The following PKP2 variants were observed in gnomAD, a reference collection of about 807,000 sequenced individuals.
PKP2 encodes the protein plakophilin 2.
PKP2 carries 73 observed loss-of-function variants against 83.4 expected under a neutral mutation model. That is an observed-to-expected ratio of 0.88 (90% CI 0.72 to 1.06). PKP2 has a LOEUF of 1.06. Among genes scored for constraint, PKP2 ranks in the 50% least tolerant of loss-of-function variants. The pLI is 0.00. For synonymous variants in PKP2, 409 were observed against 430.4 expected, an observed-to-expected ratio of 0.95 and a Z score of 0.62; for missense variants, 966 against 1,065.4, an observed-to-expected ratio of 0.91 and a Z score of 1.30.
At chr12:32,833,803 A>C (rs762198003) in intron 6 of PKP2, among the ~76,000 whole-genome samples, 6 of 152,180 alleles carry the variant, frequency 3.9e-5, no homozygotes, top group Non-Finnish European at 8.8e-5. Flanking sequence ...GAGAAAAAAG[A>C]ATATGTTTTA....
intron 5 of PKP2, among the ~76,000 whole-genome samples, chr12:32,845,344 G>T (rs549172879): frequency 5.9e-5 from 9 of 152,156 alleles, no homozygotes; most frequent in Non-Finnish European, 1.3e-4. Flanking sequence ...GAGGTCAGGA[G>T]ATTGAGACCA....
chr12:32,809,672 C>T (rs1056634463), intron 9 of PKP2, among the ~76,000 whole-genome samples: 56 of 152,284 alleles, frequency 3.7e-4, no homozygotes, highest in African/African-American at 1.2e-3. Flanking sequence ...GCTGAGACTC[C>T]GCACAGCTCT....
At chr12:32,793,792 T>A (rs1335783206) in intron 11 of PKP2, among the ~76,000 whole-genome samples, 1 of 151,956 alleles carries the variant, frequency 6.6e-6, no homozygotes, top group Admixed American at 6.6e-5. Flanking sequence ...AGATGGGGTT[T>A]CACTGTGTTA....
intron 10 of PKP2, among the ~76,000 whole-genome samples, chr12:32,801,202 G>A (rs2137722259): frequency 6.6e-6 from 1 of 152,296 alleles, no homozygotes; most frequent in Admixed American, 6.5e-5. Context: ...ACATTTAGGG[G>A]ACTGCAGAAC....
intron 5 of PKP2, among the ~76,000 whole-genome samples, chr12:32,845,900 C>T (rs1363824031): frequency 6.6e-6 from 1 of 151,954 alleles, no homozygotes; most frequent in Non-Finnish European, 1.5e-5. Flanking sequence ...GAAACGGCCA[C>T]GTATTCCAAG....
intron 7 of PKP2, 40 bp from the exon 8 acceptor site, chr12:32,822,671 G>C (rs1409930022): frequency 6.2e-7 from 1 of 1,600,848 alleles, no homozygotes; most frequent in African/African-American, 1.3e-5. Flanking sequence ...TATACATATA[G>C]ATATCCTTGC....
At chr12:32,802,959 G>T (rs1269179147) in intron 9 of PKP2, among the ~76,000 whole-genome samples, 2 of 151,890 alleles carry the variant, frequency 1.3e-5, no homozygotes, top group Non-Finnish European at 2.9e-5. Context: ...ATGCCCAGCC[G>T]AAGATGTTTT....
chr12:32,842,978 AT>A (rs1956610590), intron 5 of PKP2, among the ~76,000 whole-genome samples: 1 of 139,016 alleles, frequency 7.2e-6, no homozygotes, highest in South Asian at 2.3e-4. Flanking sequence ...TGGCCCAGCA[AT>A]TCCTACTTTT....
chr12:32,845,737 A>G (rs1325787652), intron 5 of PKP2, among the ~76,000 whole-genome samples: 1 of 152,178 alleles, frequency 6.6e-6, no homozygotes, highest in African/African-American at 2.4e-5. Context: ...TCGGACAAGG[A>G]CAAGAAAGAA....
chr12:32,841,644 G>C (rs1259013753), intron 5 of PKP2, among the ~76,000 whole-genome samples: 1 of 152,070 alleles, frequency 6.6e-6, no homozygotes, highest in African/African-American at 2.4e-5. Flanking sequence ...GATACACATG[G>C]GAAAATATCT....
At position 32,821,489 on chromosome 12, in the gene PKP2, G is replaced by T. The variant is rs746310911; in HGVS notation, c.1880C>A (p.Pro627His). Residue 627 changes from proline (P) to histidine (H), a missense_variant, in exon 9 of 13, where the codon CCC (proline) becomes CAC (histidine). Physicochemically the swap from Pro to His is moderately conservative, Grantham distance 77. Transcript: ENST00000340811. ...ATGCCACAGCCACTCCACGCCCTTG[G>T]GGTTGCTCTTTTCCTCCGGCATCGG... ...DVPMPEEKSNPKGVEWLWHSI... is the reference protein window; with the variant it reads ...DVPMPEEKSNHKGVEWLWHSI... The T allele has an allele frequency of 4.3e-6, 7 of 1,613,938 alleles. No individual in the cohort carries two copies. The highest frequency in any genetic ancestry group is 5.9e-6 in the Non-Finnish European group (7 of 1,179,960).
At chr12:32,802,995 G>A (rs1183186898) in intron 9 of PKP2, among the ~76,000 whole-genome samples, 1 of 152,056 alleles carries the variant, frequency 6.6e-6, no homozygotes, top group East Asian at 1.9e-4. Context: ...GATGGAACTA[G>A]TCTAAAGGTA....
intron 5 of PKP2, among the ~76,000 whole-genome samples, chr12:32,848,490 T>C (rs895594502): frequency 6.6e-6 from 1 of 152,132 alleles, no homozygotes; most frequent in Non-Finnish European, 1.5e-5. Context: ...TTAAAATATA[T>C]CAGAATTTAA....
intron 1 of PKP2, among the ~76,000 whole-genome samples, chr12:32,890,093 A>G (rs928087324): frequency 2.0e-5 from 3 of 151,236 alleles, no homozygotes; most frequent in Admixed American, 1.3e-4. Flanking sequence ...AAAAAAAAAA[A>G]AAAAGAAAAG....
chr12:32,862,346 A>T (rs184540547), intron 4 of PKP2, among the ~76,000 whole-genome samples: 310 of 152,228 alleles, frequency 2.0e-3, no homozygotes, highest in African/African-American at 6.7e-3. Flanking sequence ...ATAAATATTT[A>T]AAAAAAATTC....
intron 5 of PKP2, among the ~76,000 whole-genome samples, chr12:32,848,917 C>A: frequency 6.8e-6 from 1 of 147,788 alleles, no homozygotes; most frequent in Non-Finnish European, 1.5e-5. Context: ...GGTAGAAGAG[C>A]AAAATATATT....
In PKP2 at chr12:32,896,499, C is replaced by T; in HGVS notation, c.223+10G>A. The T allele has an allele frequency of 6.8e-7, 1 of 1,479,878 alleles. No individual in the cohort carries two copies. The allele number at this position is 1,479,878 out of a possible 1,614,324, so 91.7% of individuals were successfully genotyped here. On this transcript the variant is annotated intron_variant, in intron 1 of 12. Coordinates refer to ENST00000340811, the MANE Select transcript of PKP2 (RefSeq NM_001005242.3). ...GGGGGCGGCGCCGGGGAGCGGCGGG[C>T]TCCACTCACCGTTGCCCACGGAGCT...
At chr12:32,804,949 C>A (rs1220859413) in intron 9 of PKP2, among the ~76,000 whole-genome samples, 1 of 152,198 alleles carries the variant, frequency 6.6e-6, no homozygotes, top group Non-Finnish European at 1.5e-5. Context: ...TTCTCTGCAA[C>A]CTTGCCAGCA....
At chr12:32,874,298 G>C (rs1298193395) in intron 3 of PKP2, among the ~76,000 whole-genome samples, 3 of 152,140 alleles carry the variant, frequency 2.0e-5, no homozygotes, top group Non-Finnish European at 4.4e-5. Context: ...AGGTGTCCCA[G>C]GGAGCAGCCT....
Sources: allele counts gnomAD v4.1 joint callset (sites outside exome capture counted in the v4.1 genomes callset), GRCh38; gene constraint gnomAD v4.1.1; transcripts MANE v1.5; gene names NCBI Gene and HGNC (gene_info 2026-07-23, HGNC 2026-07-21).